SGCZ: variants seen among roughly 807,000 people sequenced by gnomAD.
The protein encoded by SGCZ is sarcoglycan zeta, also known as zeta-sarcoglycan.
In SGCZ, 40 loss-of-function variants were observed where a neutral mutation model predicts 41.3. That is an observed-to-expected ratio of 0.97 (90% CI 0.75 to 1.26). The LOEUF (loss-of-function observed/expected upper bound fraction) is 1.26. SGCZ is among the 50% of genes most tolerant of loss of function. The pLI is 0.00. For missense variants in SGCZ, 552 were observed against 369.8 expected (o/e 1.49, Z -4.04); for synonymous variants, 206 against 137.5 (o/e 1.50, Z -3.49).
At chr8:14,623,395 G>T (rs1806348314) in intron 1 of SGCZ, among the ~76,000 whole-genome samples, 1 of 152,176 alleles carries the variant, frequency 6.6e-6, no homozygotes, top group Middle Eastern at 3.2e-3. Flanking sequence ...AAAGCATCCA[G>T]AGAAGCAGGC....
chr8:15,166,494 C>T (rs186643369), intron 1 of SGCZ, among the ~76,000 whole-genome samples: 83 of 152,122 alleles, frequency 5.5e-4, no homozygotes, highest in African/African-American at 1.9e-3. Flanking sequence ...ATGATCCGCC[C>T]GCCTTGGCCT....
chr8:14,829,247 T>G (rs1346744339), intron 1 of SGCZ, among the ~76,000 whole-genome samples: 2 of 118,228 alleles, frequency 1.7e-5, no homozygotes, highest in African/African-American at 4.9e-5. Context: ...TATATATCCA[T>G]GTGTTCTCAA....
chr8:15,026,673 C>G (rs1199896838), intron 1 of SGCZ, among the ~76,000 whole-genome samples: 2 of 152,170 alleles, frequency 1.3e-5, no homozygotes, highest in Non-Finnish European at 2.9e-5. Context: ...AAGCCATTCT[C>G]TAATAAAGCT....
At chr8:14,999,436 G>C (rs1489441071) in intron 1 of SGCZ, among the ~76,000 whole-genome samples, 1 of 152,240 alleles carries the variant, frequency 6.6e-6, no homozygotes, top group African/African-American at 2.4e-5. Context: ...CAAAGGAGGA[G>C]GAGGAAGAGG....
intron 1 of SGCZ, among the ~76,000 whole-genome samples, chr8:15,102,318 A>G (rs1372369365): frequency 1.3e-5 from 2 of 152,206 alleles, no homozygotes; most frequent in Admixed American, 6.5e-5. Flanking sequence ...GGAAAAGGTA[A>G]AACTATGTGG....
chr8:14,639,404 G>A (rs1806944644), intron 1 of SGCZ, among the ~76,000 whole-genome samples: 1 of 151,562 alleles, frequency 6.6e-6, no homozygotes, highest in Non-Finnish European at 1.5e-5. Context: ...GCTTTTAAGG[G>A]CCATATTCTT....
rs561872865 is a variant in SGCZ at position 14,466,554 on chromosome 8, A to T, written c.234+88178T>A. Among the ~76,000 whole-genome samples, 6 of 151,982 alleles carry T rather than the reference A, an allele frequency of 3.9e-5. No homozygotes were observed. In the East Asian group the frequency reaches 9.7e-4, roughly 25 times the overall value. On this transcript the variant is annotated intron_variant, in intron 2 of 7. Coordinates refer to ENST00000382080, the MANE Select transcript of SGCZ (RefSeq NM_139167.4). Reference sequence around the variant, plus strand: ...CTTAAACATAATTTCTGTCCACTGTATCCCTCTTCATCTGGGACTCTCACA... The same window carrying T: ...CTTAAACATAATTTCTGTCCACTGTTTCCCTCTTCATCTGGGACTCTCACA...
At chr8:14,671,830 C>T (rs1278012939) in intron 1 of SGCZ, among the ~76,000 whole-genome samples, 12 of 152,076 alleles carry the variant, frequency 7.9e-5, no homozygotes, top group African/African-American at 2.9e-4. Flanking sequence ...TATATATAGG[C>T]ATTGGTGTCT....
At chr8:14,497,921 C>T (rs191127101) in intron 2 of SGCZ, among the ~76,000 whole-genome samples, 2 of 152,152 alleles carry the variant, frequency 1.3e-5, no homozygotes, top group African/African-American at 4.8e-5. Flanking sequence ...TGTTTACAAC[C>T]ATTTACTTTC....
intron 1 of SGCZ, among the ~76,000 whole-genome samples, chr8:15,172,163 T>TTTG (rs1799856769): frequency 1.7e-5 from 2 of 116,524 alleles, no homozygotes; most frequent in Non-Finnish European, 3.6e-5. Context: ...TGTTTTTTTT[T>TTTG]TTTTTTTTTT....
At chr8:14,131,274 T>A (rs1014965375) in intron 5 of SGCZ, among the ~76,000 whole-genome samples, 1 of 152,130 alleles carries the variant, frequency 6.6e-6, no homozygotes, top group African/African-American at 2.4e-5. Flanking sequence ...AACGCAGCCT[T>A]TGCCACATCA....
chr8:14,093,290 T>C (rs1801744524), intron 7 of SGCZ, among the ~76,000 whole-genome samples: 2 of 152,060 alleles, frequency 1.3e-5, no homozygotes, highest in African/African-American at 2.4e-5. Flanking sequence ...CCTCCTGTCA[T>C]TGACTTTACA....
At chr8:14,346,541 C>T (rs1802896330) in intron 2 of SGCZ, among the ~76,000 whole-genome samples, 1 of 151,954 alleles carries the variant, frequency 6.6e-6, no homozygotes, top group Admixed American at 6.6e-5. Flanking sequence ...TTACATAGTG[C>T]ATTTTGTTAG....
At chr8:14,877,417 G>A (rs1460665113) in intron 1 of SGCZ, among the ~76,000 whole-genome samples, 1 of 152,080 alleles carries the variant, frequency 6.6e-6, no homozygotes, top group African/African-American at 2.4e-5. Context: ...TCTGCTCCAT[G>A]ATCTAAGCAC....
chr8:14,634,506 T>G (rs1402085480), intron 1 of SGCZ, among the ~76,000 whole-genome samples: 1 of 151,888 alleles, frequency 6.6e-6, no homozygotes, highest in African/African-American at 2.4e-5. Flanking sequence ...AATACTAAAA[T>G]AAAAATCTTC....
At chr8:14,242,249 G>C (rs1458266262) in intron 3 of SGCZ, among the ~76,000 whole-genome samples, 1 of 152,204 alleles carries the variant, frequency 6.6e-6, no homozygotes, top group African/African-American at 2.4e-5. Flanking sequence ...ATTACATTAA[G>C]TCGTAGTGAA....
chr8:15,236,439 TG>T (rs537196377), intron 1 of SGCZ, among the ~76,000 whole-genome samples: 1 of 150,364 alleles, frequency 6.7e-6, no homozygotes, highest in Non-Finnish European at 1.5e-5. Context: ...CTCCAGCGGG[TG>T]GGGGGGTGCC....
chr8:14,382,755 G>C (rs73664337), intron 2 of SGCZ, among the ~76,000 whole-genome samples: 6,792 of 152,208 alleles, frequency 0.045, 486 homozygotes, highest in African/African-American at 0.15. Context: ...TTTAATGAAA[G>C]AGTTTTGTAA....
intron 1 of SGCZ, among the ~76,000 whole-genome samples, chr8:14,961,162 C>A (rs1399714588): frequency 6.6e-6 from 1 of 152,102 alleles, no homozygotes; most frequent in East Asian, 1.9e-4. Context: ...TTTTTGTCTG[C>A]TAATGAGCTT....
Sources: allele counts gnomAD v4.1 joint callset (sites outside exome capture counted in the v4.1 genomes callset), GRCh38; gene constraint gnomAD v4.1.1; transcripts MANE v1.5; gene names NCBI Gene and HGNC (gene_info 2026-07-23, HGNC 2026-07-21).